ERLEC1: variants seen among roughly 807,000 people sequenced by gnomAD.
ERLEC1 encodes the protein ER lectin.
Under a neutral mutation model 68.0 loss-of-function variants are expected in ERLEC1, and 47 were observed. That is an observed-to-expected ratio of 0.69 (90% CI 0.55 to 0.88). The LOEUF is 0.88. Among genes scored for constraint, ERLEC1 ranks in the 40% least tolerant of loss-of-function variants. The pLI, the probability that ERLEC1 is intolerant of heterozygous loss-of-function variation, is 0.00. For missense variants in ERLEC1, 567 were observed against 583.8 expected (o/e 0.97, Z 0.30); for synonymous variants, 225 against 203.2 (o/e 1.11, Z -0.91).
intron 8 of ERLEC1, among the ~76,000 whole-genome samples, chr2:53,803,431 T>TA (rs1361084243): frequency 6.6e-6 from 1 of 152,226 alleles, no homozygotes; most frequent in Admixed American, 6.5e-5. Context: ...CAGCTTTCGT[T>TA]ACTCTTCAAG....
At chr2:53,797,702 AGT>A (rs756198968) in intron 4 of ERLEC1, 28 bp from the exon 5 acceptor site, 456 of 1,581,664 alleles carry the variant, frequency 2.9e-4, no homozygotes, top group Non-Finnish European at 3.6e-4. Context: ...CAAAATACTT[AGT>A]ATATTTTTAT....
chr2:53,801,706 T>C lies in ERLEC1; in HGVS notation c.750-7T>C. 3 of 1,614,020 alleles carry C rather than the reference T, an allele frequency of 1.9e-6. No homozygotes were observed. The highest frequency in any genetic ancestry group is 2.5e-6 in the Non-Finnish European group (3 of 1,179,916). ...CATAGCTTTAATGCTTTGTTCCTAC[T>C]GAACAGGTTCAGAGCATCTCCTGTG... On this transcript the variant is annotated splice_polypyrimidine_tract_variant and splice_region_variant and intron_variant, in intron 7 of 13. Coordinates refer to ENST00000185150, the MANE Select transcript of ERLEC1 (RefSeq NM_015701.5).
At chr2:53,813,932 T>TC (rs1320572792) in intron 11 of ERLEC1, among the ~76,000 whole-genome samples, 8 of 152,130 alleles carry the variant, frequency 5.3e-5, no homozygotes, top group African/African-American at 1.9e-4. Flanking sequence ...AAAGCTATCT[T>TC]CCCCCCTCCC....
intron 2 of ERLEC1, 144 bp from the exon 3 acceptor site, chr2:53,795,789 C>T (rs1186457034): frequency 8.9e-6 from 5 of 558,862 alleles, no homozygotes; most frequent in Middle Eastern, 4.3e-4. Context: ...AATGGCGTAC[C>T]GTAGGGTCTT....
chr2:53,796,889 CTTTTTTTTTTT>C (rs958244464), intron 3 of ERLEC1, among the ~76,000 whole-genome samples: 1 of 117,238 alleles, frequency 8.5e-6, no homozygotes, highest in East Asian at 2.5e-4. Flanking sequence ...TTTTCTTTTT[CTTTTTTTTTTT>C]TTTTTTTTTG....
At chr2:53,803,993 C>T (rs1373037938) in intron 8 of ERLEC1, among the ~76,000 whole-genome samples, 1 of 152,088 alleles carries the variant, frequency 6.6e-6, no homozygotes, top group Non-Finnish European at 1.5e-5. Context: ...TAGCCAGGCA[C>T]GGTGATACAC....
At chr2:53,787,437 TC>T (rs1381077098) in intron 1 of ERLEC1, 65 bp downstream of exon 1, 104 of 1,518,050 alleles carry the variant, frequency 6.9e-5, no homozygotes, top group Non-Finnish European at 9.1e-5. Context: ...GCCTCTTCCC[TC>T]GGTTTTCTTT....
At chr2:53,793,560 C>T (rs1008223432) in intron 1 of ERLEC1, among the ~76,000 whole-genome samples, 3 of 152,052 alleles carry the variant, frequency 2.0e-5, no homozygotes, top group Admixed American at 6.6e-5. Context: ...AATAAGTGCT[C>T]AGTGATGGTG....
chr2:53,814,604 G>T lies in ERLEC1; in HGVS notation c.1288G>T (p.Val430Leu), dbSNP rs1676763507. Residue 430 changes from valine to leucine, a missense_variant, in exon 12 of 14, where the codon GTG (valine) becomes TTG (leucine). Coordinates refer to ENST00000185150, the MANE Select transcript of ERLEC1 (RefSeq NM_015701.5). Reference protein sequence around the residue: ...ICDITDKPRQVTVKLKCKESD... With the variant: ...ICDITDKPRQLTVKLKCKESD... ...TGATATAACTGACAAACCAAGACAG[G>T]TGACTGTAAAACTAAAGTAAGTTAG... 1.9e-6 allele frequency: 3 copies of T among 1,610,666 alleles called. No homozygotes were observed. The highest frequency in any genetic ancestry group is 2.5e-6 in the Non-Finnish European group (3 of 1,177,842).
At chr2:53,804,813 C>T (rs965749591) in intron 8 of ERLEC1, among the ~76,000 whole-genome samples, 3 of 151,978 alleles carry the variant, frequency 2.0e-5, no homozygotes, top group Admixed American at 1.3e-4. Flanking sequence ...TCCCACTACC[C>T]TTCCCAGCCT....
At position 53,801,493 on chromosome 2, in the gene ERLEC1, T is replaced by C; in HGVS notation, c.622T>C (p.Ser208Pro). The C allele has an allele frequency of 6.2e-7, 1 of 1,614,090 alleles. No individual in the cohort carries two copies. Among genetic ancestry groups the C allele is most frequent in the South Asian group, 1.1e-5 (1 of 91,088 alleles). The part of the protein sequence containing the change: ...PCSLKQNRPR[S>P]STVMYICHPE... ...TAGTTTGAAACAGAACCGGCCCAGA[T>C]CAAGTACTGTGATGTACATATGTCA... Residue 208 changes from serine to proline, a missense_variant, in exon 7 of 14, where the codon TCA (serine) becomes CCA (proline). Transcript: ENST00000185150.
intron 6 of ERLEC1, among the ~76,000 whole-genome samples, chr2:53,800,554 T>C (rs1675950533): frequency 6.6e-6 from 1 of 152,108 alleles, no homozygotes; most frequent in Non-Finnish European, 1.5e-5. Flanking sequence ...CCTGAAAACA[T>C]TATTTATTCT....
intron 9 of ERLEC1, 61 bp downstream of exon 9, chr2:53,808,521 A>G (rs1413556504): frequency 6.6e-7 from 1 of 1,516,972 alleles, no homozygotes; most frequent in Non-Finnish European, 9.0e-7. Context: ...AGGTATGGTC[A>G]GTGGGCATCA....
chr2:53,791,605 T>G (rs1405389158), intron 1 of ERLEC1, among the ~76,000 whole-genome samples: 1 of 152,176 alleles, frequency 6.6e-6, no homozygotes. Flanking sequence ...AGCAGAGTTT[T>G]CAGATAGAAT....
intron 6 of ERLEC1, among the ~76,000 whole-genome samples, chr2:53,799,816 G>C (rs1675912776): frequency 6.6e-6 from 1 of 152,110 alleles, no homozygotes; most frequent in African/African-American, 2.4e-5. Context: ...GGAGAGACTT[G>C]ATAAGCTAAG....
chr2:53,787,479 C>G, intron 1 of ERLEC1, 107 bp downstream of exon 1: 2 of 1,338,584 alleles, frequency 1.5e-6, no homozygotes, highest in South Asian at 3.0e-5. Context: ...TCTCTGCAGA[C>G]TCTTACCTTC....
intron 1 of ERLEC1, among the ~76,000 whole-genome samples, chr2:53,790,401 G>T (rs1445075106): frequency 6.6e-6 from 1 of 151,452 alleles, no homozygotes; most frequent in East Asian, 2.0e-4. Context: ...CCTGGCCGCG[G>T]GTTGGACATT....
chr2:53,810,592 A>G (rs1353804634), intron 10 of ERLEC1, among the ~76,000 whole-genome samples: 1 of 152,220 alleles, frequency 6.6e-6, no homozygotes, highest in African/African-American at 2.4e-5. Flanking sequence ...TCTAAAAAAG[A>G]AAATAATACC....
At chr2:53,805,446 G>C (rs745354191) in intron 8 of ERLEC1, among the ~76,000 whole-genome samples, 1 of 151,982 alleles carries the variant, frequency 6.6e-6, no homozygotes, top group Non-Finnish European at 1.5e-5. Context: ...TCGAACTCCT[G>C]AGCTCAAGCA....
Sources: gnomAD v4.1 joint callset for allele counts (sites outside exome capture counted in the v4.1 genomes callset) on GRCh38, gnomAD v4.1.1 for gene constraint, MANE v1.5 for transcripts, NCBI Gene and HGNC (gene_info 2026-07-23, HGNC 2026-07-21) for gene names.